The following OR1F1 variants were observed in gnomAD, a reference collection of about 807,000 sequenced individuals.
The protein encoded by OR1F1 is olfactory receptor 1F1.
For missense variants in OR1F1, 493 were observed against 376.3 expected (o/e 1.31, Z -2.57); for synonymous variants, 184 against 156.7 (o/e 1.17, Z -1.30).
chr16:3,191,627 A>G, the OR1F1 span, among the ~76,000 whole-genome samples: 1 of 152,086 alleles, frequency 6.6e-6, no homozygotes, highest in Non-Finnish European at 1.5e-5. Context: ...GCATTTAATG[A>G]ACACTACCAG....
the OR1F1 span, among the ~76,000 whole-genome samples, chr16:3,192,032 G>C: frequency 1.2e-4 from 19 of 152,258 alleles, no homozygotes; most frequent in East Asian, 3.3e-3. Context: ...GGATGCGAGA[G>C]GTCCCGGGTT....
the OR1F1 span, among the ~76,000 whole-genome samples, chr16:3,190,905 T>C: frequency 1.3e-5 from 2 of 152,176 alleles, no homozygotes; most frequent in African/African-American, 4.8e-5. Context: ...AGAAAATATC[T>C]TTGACAACGG....
upstream of OR1F1, among the ~76,000 whole-genome samples, chr16:3,200,214 C>T (rs1292058372): frequency 6.6e-6 from 1 of 152,036 alleles, no homozygotes; most frequent in Non-Finnish European, 1.5e-5. Context: ...GGGTGGTCTT[C>T]TTCTCAGTGC....
the OR1F1 span, among the ~76,000 whole-genome samples, chr16:3,197,086 G>C: frequency 2.0e-5 from 3 of 151,948 alleles, no homozygotes; most frequent in South Asian, 6.2e-4. Context: ...ATGTTGGCCA[G>C]GCTAGTCTCG....
At chr16:3,195,342 G>A in the OR1F1 span, among the ~76,000 whole-genome samples, 1 of 152,148 alleles carries the variant, frequency 6.6e-6, no homozygotes, top group Admixed American at 6.5e-5. Flanking sequence ...AACCAAAACA[G>A]CTACCGCGAC....
the OR1F1 span, among the ~76,000 whole-genome samples, chr16:3,193,534 T>G: frequency 6.6e-6 from 1 of 152,186 alleles, no homozygotes; most frequent in African/African-American, 2.4e-5. Flanking sequence ...AATGGGAGTT[T>G]TCTCTCGTTC....
the OR1F1 span, among the ~76,000 whole-genome samples, chr16:3,194,690 G>A: frequency 7.9e-5 from 12 of 152,200 alleles, no homozygotes; most frequent in Non-Finnish European, 1.3e-4. Context: ...CAGATCAAAA[G>A]TAAACAGGAA....
chr16:3,204,300 C>A, exon 1 of OR1F1: 1 of 1,613,802 alleles, frequency 6.2e-7, no homozygotes, highest in Non-Finnish European at 8.5e-7. Context: ...TGGGACTCTC[C>A]AGGCAGCCCC....
chr16:3,191,526 A>C, the OR1F1 span, among the ~76,000 whole-genome samples: 1 of 152,190 alleles, frequency 6.6e-6, no homozygotes, highest in Non-Finnish European at 1.5e-5. Flanking sequence ...TCGGTAGAGC[A>C]TGGGACTCTT....
chr16:3,202,690 T>A (rs1394544137), upstream of OR1F1, among the ~76,000 whole-genome samples: 1 of 135,606 alleles, frequency 7.4e-6, no homozygotes. Context: ...ATAATAATAA[T>A]AATAATAATA....
At chr16:3,204,897 T>C (rs759310191) in exon 1 of OR1F1, 2 of 1,614,184 alleles carry the variant, frequency 1.2e-6, no homozygotes, top group East Asian at 2.2e-5. Context: ...TCCTGGCTTC[T>C]TATATGCACA....
At chr16:3,193,905 G>T in the OR1F1 span, among the ~76,000 whole-genome samples, 8 of 152,168 alleles carry the variant, frequency 5.3e-5, no homozygotes, top group Non-Finnish European at 1.2e-4. Flanking sequence ...TCTCAGTAGG[G>T]CACGTGGTAA....
At chr16:3,195,609 G>A in the OR1F1 span, among the ~76,000 whole-genome samples, 2 of 149,552 alleles carry the variant, frequency 1.3e-5, no homozygotes, top group African/African-American at 5.0e-5. Context: ...TGGAGCCCGG[G>A]AGTTGGAGGT....
exon 1 of OR1F1, chr16:3,204,253 G>T (rs751283450): frequency 6.3e-7 from 1 of 1,595,576 alleles, no homozygotes; most frequent in East Asian, 2.2e-5. Flanking sequence ...GCCCATGAGC[G>T]GGACAAACCA....
the OR1F1 span, among the ~76,000 whole-genome samples, chr16:3,191,993 C>T: frequency 3.3e-5 from 5 of 152,252 alleles, no homozygotes; most frequent in African/African-American, 7.2e-5. Flanking sequence ...TGCTGTGGCT[C>T]GTTGGTCTAG....
the OR1F1 span, among the ~76,000 whole-genome samples, chr16:3,191,525 C>T: frequency 2.0e-5 from 3 of 152,184 alleles, no homozygotes; most frequent in East Asian, 1.9e-4. Flanking sequence ...GTCGGTAGAG[C>T]ATGGGACTCT....
the OR1F1 span, among the ~76,000 whole-genome samples, chr16:3,192,684 T>A: frequency 6.6e-6 from 1 of 152,154 alleles, no homozygotes; most frequent in East Asian, 1.9e-4. Context: ...GGCTCCTTGC[T>A]TCCTCTCGCG....
At chr16:3,196,874 G>GTTGTT in the OR1F1 span, among the ~76,000 whole-genome samples, 7 of 150,488 alleles carry the variant, frequency 4.7e-5, no homozygotes, top group Non-Finnish European at 8.9e-5. Flanking sequence ...TGTTGTTGTT[G>GTTGTT]TTGTTTTGTT....
At chr16:3,196,699 C>CT in the OR1F1 span, among the ~76,000 whole-genome samples, 4,350 of 123,884 alleles carry the variant, frequency 0.035, 233 homozygotes, top group African/African-American at 0.11. Flanking sequence ...TGAAATTAAT[C>CT]TTTTTTTTTT....
Sources: gnomAD v4.1 joint callset for allele counts (sites outside exome capture counted in the v4.1 genomes callset) on GRCh38, gnomAD v4.1.1 for gene constraint, MANE v1.5 for transcripts, NCBI Gene and HGNC (gene_info 2026-07-23, HGNC 2026-07-21) for gene names.